Variants in ZDHHC7 observed in about 807,000 individuals in gnomAD.
ZDHHC7 encodes the protein palmitoyltransferase ZDHHC7.
In ZDHHC7, 12 loss-of-function variants were observed where a neutral mutation model predicts 34.1. That is an observed-to-expected ratio of 0.35 (90% CI 0.23 to 0.57). The LOEUF (loss-of-function observed/expected upper bound fraction) is 0.57, where lower values mean the gene tolerates loss of function less well. ZDHHC7 is among the 20% of genes least tolerant of loss of function. ZDHHC7 has a pLI of 0.84. For synonymous variants in ZDHHC7, 185 were observed against 155.4 expected (o/e 1.19, Z -1.42); for missense variants, 388 against 402.7 (o/e 0.96, Z 0.31).
intron 1 of ZDHHC7, among the ~76,000 whole-genome samples, chr16:84,997,025 CAA>C (rs11314476): frequency 6.5e-5 from 7 of 107,658 alleles, no homozygotes; most frequent in Non-Finnish European, 4.2e-5. Flanking sequence ...GACTCTGTCT[CAA>C]AAAAAAAAAA....
At chr16:84,997,734 A>AAT in intron 1 of ZDHHC7, among the ~76,000 whole-genome samples, 1 of 149,440 alleles carries the variant, frequency 6.7e-6, no homozygotes, top group South Asian at 2.1e-4. Flanking sequence ...CTCTACTAAA[A>AAT]ATACAAAAAT....
Position 84,976,288 on chromosome 16 carries a change from C to A in ZDHHC7, c.*55G>T. 1 of 1,604,646 alleles carries A rather than the reference C, an allele frequency of 6.2e-7. No homozygotes were observed. Among genetic ancestry groups the A allele is most frequent in the Non-Finnish European group, 8.5e-7 (1 of 1,176,554 alleles). On this transcript the variant is annotated 3_prime_UTR_variant, in exon 8 of 8. Coordinates refer to ENST00000313732, the MANE Select transcript of ZDHHC7 (RefSeq NM_017740.3). ...AGATGAGCTGTTGATATCCTTCAGA[C>A]CCCAAATAAATAACTGGAAGTCTGT...
intron 6 of ZDHHC7, 152 bp downstream of exon 6, chr16:84,977,772 T>A: frequency 1.5e-6 from 1 of 670,606 alleles, no homozygotes; most frequent in Non-Finnish European, 2.6e-6. Flanking sequence ...ATGGTGGTGT[T>A]AAAACTTAAC....
chr16:84,993,480 GT>G (rs1369873473), intron 2 of ZDHHC7, among the ~76,000 whole-genome samples: 204 of 109,500 alleles, frequency 1.9e-3, no homozygotes, highest in Admixed American at 5.5e-3. Flanking sequence ...AAACAAAATT[GT>G]TTTTTTTTTT....
At chr16:84,979,670 T>A (rs1435434724) in intron 4 of ZDHHC7, among the ~76,000 whole-genome samples, 1 of 152,126 alleles carries the variant, frequency 6.6e-6, no homozygotes, top group East Asian at 1.9e-4. Context: ...ATTCTTTGTA[T>A]CTTCAAATAA....
At chr16:84,978,038 T>C in intron 5 of ZDHHC7, 33 bp from the exon 6 acceptor site, 2 of 1,545,740 alleles carry the variant, frequency 1.3e-6, no homozygotes, top group Non-Finnish European at 1.8e-6. Flanking sequence ...TAGTCACTTT[T>C]ATTTTTTATT....
chr16:85,017,278 A>G, the ZDHHC7 span, among the ~76,000 whole-genome samples: 1 of 152,254 alleles, frequency 6.6e-6, no homozygotes, highest in Non-Finnish European at 1.5e-5. Context: ...CATTCTCATT[A>G]GTCATCAGGG....
At chr16:85,026,357 G>C in the ZDHHC7 span, among the ~76,000 whole-genome samples, 1 of 152,078 alleles carries the variant, frequency 6.6e-6, no homozygotes, top group South Asian at 2.1e-4. Context: ...TAGCAACCAC[G>C]TAAAGGAATG....
upstream of ZDHHC7, chr16:85,011,550 C>T (rs530780276): frequency 6.6e-5 from 10 of 152,254 alleles, no homozygotes; most frequent in Non-Finnish European, 1.3e-4. Context: ...CCGACGAGGT[C>T]AGTGACGTCA....
At chr16:85,014,030 G>T (rs1374875186), upstream of ZDHHC7, among the ~76,000 whole-genome samples, 1 of 152,110 alleles carries the variant, frequency 6.6e-6, no homozygotes, top group Non-Finnish European at 1.5e-5. Flanking sequence ...GAATGTAAAA[G>T]GGTAGATAGA....
intron 3 of ZDHHC7, among the ~76,000 whole-genome samples, chr16:84,983,106 C>A (rs960822098): frequency 1.3e-5 from 2 of 152,350 alleles, no homozygotes; most frequent in Admixed American, 6.5e-5. Context: ...GGAACAAGGC[C>A]TTGTGTCTGC....
chr16:85,007,785 G>C (rs2072737384), intron 1 of ZDHHC7, among the ~76,000 whole-genome samples: 1 of 152,080 alleles, frequency 6.6e-6, no homozygotes, highest in African/African-American at 2.4e-5. Flanking sequence ...GCAAAGCACA[G>C]TAGTATACAG....
At chr16:85,023,298 C>G in the ZDHHC7 span, among the ~76,000 whole-genome samples, 1 of 151,878 alleles carries the variant, frequency 6.6e-6, no homozygotes. Context: ...TCCGGAGTAG[C>G]TGGAATTACA....
At position 84,981,891 on chromosome 16, in the gene ZDHHC7, G is replaced by A. The variant is rs1183326774; in HGVS notation, c.419C>T (p.Pro140Leu). 1.9e-6 allele frequency: 3 copies of A among 1,614,134 alleles called. No individual in the cohort carries two copies. The highest frequency in any genetic ancestry group is 3.3e-5 in the Admixed American group (2 of 60,026). Residue 140 changes from proline to leucine, a missense_variant, in exon 4 of 8, where the codon CCC becomes CTC. Pro to Leu is a moderately conservative substitution (Grantham distance 98). Transcript: ENST00000313732. ...GTACCTGCAGTGGTGGGCGCGCTCGGGTTTAATACAGCAGCACTTGGGGCA... is the reference window on the plus strand; with the variant it reads ...GTACCTGCAGTGGTGGGCGCGCTCGAGTTTAATACAGCAGCACTTGGGGCA... Reference protein sequence around the residue: ...YKCPKCCCIKPERAHHCSICK... With the variant: ...YKCPKCCCIKLERAHHCSICK...
chr16:84,987,122 C>T (rs1436010387), intron 3 of ZDHHC7, among the ~76,000 whole-genome samples: 1 of 152,224 alleles, frequency 6.6e-6, no homozygotes, highest in African/African-American at 2.4e-5. Context: ...CTCTGTCCAC[C>T]TTCCACTCCA....
Position 84,987,351 on chromosome 16 carries a change from A to G in ZDHHC7, c.315+2953T>C, listed in dbSNP as rs2072449707. Among the ~76,000 whole-genome samples, 3 of 152,374 alleles carry G rather than the reference A, an allele frequency of 2.0e-5. No homozygotes were observed. In the South Asian group the frequency reaches 6.2e-4, roughly 32 times the overall value. On this transcript the variant is annotated intron_variant, in intron 3 of 7. Transcript: ENST00000313732. ...AGATACACAGCAAAGACAGTGAGAT[A>G]CGGCGTCACAAAAGAATGGCAATAA...
rs1458212102 is a variant in ZDHHC7 at position 84,976,234 on chromosome 16, G to C, written c.*109C>G. On this transcript the variant is annotated 3_prime_UTR_variant, in exon 8 of 8. Coordinates refer to ENST00000313732, the MANE Select transcript of ZDHHC7 (RefSeq NM_017740.3). ...TCTGCTTGCTGCAAGCAATTGGTTT[G>C]TGTAGGTTCCAGTTGCCCTGTTGGT... is the stretch of plus-strand genomic sequence containing the variant. 7.2e-7 allele frequency: 1 copy of C among 1,383,804 alleles called. No individual in the cohort carries two copies. The highest frequency in any genetic ancestry group is 1.5e-5 in the African/African-American group (1 of 68,288). 85.7% of individuals were successfully genotyped at this position (1,383,804 alleles called of 1,614,324 possible).
upstream of ZDHHC7, among the ~76,000 whole-genome samples, chr16:85,014,438 G>T (rs1187231370): frequency 6.6e-6 from 1 of 152,208 alleles, no homozygotes. Context: ...CAGTGAAGGT[G>T]TGACAGCCAT....
intron 1 of ZDHHC7, among the ~76,000 whole-genome samples, chr16:84,998,169 C>T (rs1218362139): frequency 6.7e-5 from 10 of 150,282 alleles, no homozygotes; most frequent in African/African-American, 2.2e-4. Flanking sequence ...GAGGCTGAGA[C>T]AGGAGAACGG....
Sources: allele counts gnomAD v4.1 joint callset (sites outside exome capture counted in the v4.1 genomes callset), GRCh38; gene constraint gnomAD v4.1.1; transcripts MANE v1.5; gene names NCBI Gene and HGNC (gene_info 2026-07-23, HGNC 2026-07-21).